Variants in SLC25A48 observed in about 807,000 individuals in gnomAD.
SLC25A48 encodes the protein CTC-321K16.1.
A neutral mutation model predicts 32.2 loss-of-function variants in SLC25A48; 29 were observed. That is an observed-to-expected ratio of 0.90 (90% CI 0.67 to 1.23). The LOEUF (loss-of-function observed/expected upper bound fraction) is 1.23. Ranked by LOEUF, SLC25A48 falls within the 50% of genes most tolerant of loss-of-function variation. SLC25A48 has a pLI of 0.00. For synonymous variants in SLC25A48, 164 were observed against 172.3 expected (o/e 0.95, Z 0.38); for missense variants, 399 against 422.7 (o/e 0.94, Z 0.49).
At chr5:135,820,887 A>G (rs148135950) in intron 4 of SLC25A48, among the ~76,000 whole-genome samples, 86 of 152,304 alleles carry the variant, frequency 5.6e-4, no homozygotes, top group African/African-American at 1.6e-3. Flanking sequence ...GAGTAGAGAG[A>G]TGTGGTAGCC....
At chr5:135,708,232 C>G (rs1209705997) in intron 3 of SLC25A48, among the ~76,000 whole-genome samples, 1 of 152,184 alleles carries the variant, frequency 6.6e-6, no homozygotes, top group African/African-American at 2.4e-5. Flanking sequence ...CCTATGTACC[C>G]ATCACTCAGC....
At chr5:135,789,823 A>G (rs1756978315) in intron 3 of SLC25A48, among the ~76,000 whole-genome samples, 1 of 152,024 alleles carries the variant, frequency 6.6e-6, no homozygotes, top group Admixed American at 6.6e-5. Flanking sequence ...TAATATCTAC[A>G]TTGGAATAAG....
chr5:135,693,654 C>T (rs186512831), intron 3 of SLC25A48, among the ~76,000 whole-genome samples: 37 of 152,320 alleles, frequency 2.4e-4, no homozygotes, highest in Admixed American at 1.9e-3. Context: ...TGACACCACC[C>T]GTGCCAAGCA....
intron 3 of SLC25A48, among the ~76,000 whole-genome samples, chr5:135,806,499 T>C (rs1256112052): frequency 6.6e-6 from 1 of 151,388 alleles, no homozygotes; most frequent in Non-Finnish European, 1.5e-5. Flanking sequence ...ATTTTATTAA[T>C]ATCATAGTGT....
chr5:135,594,806 A>G (rs968999247), intron 1 of SLC25A48, among the ~76,000 whole-genome samples: 2 of 152,176 alleles, frequency 1.3e-5, no homozygotes, highest in Non-Finnish European at 2.9e-5. Flanking sequence ...GATCCCTCCT[A>G]TGCATAGCAT....
intron 3 of SLC25A48, among the ~76,000 whole-genome samples, chr5:135,751,076 A>G (rs1276395505): frequency 6.6e-6 from 1 of 152,216 alleles, no homozygotes. Flanking sequence ...CCAGATCCAC[A>G]GCTGGCTGTA....
intron 7 of SLC25A48, among the ~76,000 whole-genome samples, chr5:135,886,639 AAT>A (rs201543233): frequency 0.27 from 20,502 of 76,600 alleles, 4,358 homozygotes; most frequent in African/African-American, 0.46. Context: ...ATATATATAA[AAT>A]ATATATATGT....
At chr5:135,690,789 C>G (rs1332844010) in intron 3 of SLC25A48, among the ~76,000 whole-genome samples, 1 of 152,194 alleles carries the variant, frequency 6.6e-6, no homozygotes, top group Non-Finnish European at 1.5e-5. Context: ...AACCAGATGT[C>G]CACACCTTAC....
At chr5:135,838,669 G>A (rs1405368129) in intron 1 of SLC25A48, among the ~76,000 whole-genome samples, 1 of 152,278 alleles carries the variant, frequency 6.6e-6, no homozygotes, top group Non-Finnish European at 1.5e-5. Context: ...AAGGGGCCAA[G>A]GTACAGCTTG....
intron 3 of SLC25A48, among the ~76,000 whole-genome samples, chr5:135,709,126 T>C (rs1191652688): frequency 6.6e-6 from 1 of 152,152 alleles, no homozygotes; most frequent in African/African-American, 2.4e-5. Flanking sequence ...CCCACAACTA[T>C]TCATGACAGT....
chr5:135,640,391 A>T (rs960420171), intron 3 of SLC25A48, among the ~76,000 whole-genome samples: 2 of 152,188 alleles, frequency 1.3e-5, no homozygotes, highest in Non-Finnish European at 2.9e-5. Flanking sequence ...ATTTTTTGGA[A>T]AACATCAACT....
At chr5:135,715,237 T>C (rs1754765721) in intron 3 of SLC25A48, among the ~76,000 whole-genome samples, 2 of 152,204 alleles carry the variant, frequency 1.3e-5, no homozygotes, top group African/African-American at 4.8e-5. Flanking sequence ...TTACAATGGG[T>C]TCCTTGTCTA....
At position 135,739,274 on chromosome 5, in the gene SLC25A48, T is replaced by G. The variant is rs114591595; in HGVS notation, c.-520-73249T>G. Among the ~76,000 whole-genome samples the G allele has an allele frequency of 5.1e-3, 774 of 152,220 alleles. 7 individuals are homozygous for G. The highest frequency in any genetic ancestry group is 0.018 in the African/African-American group (734 of 41,552). ...CTGGGACTACAAGTGCTCACCATCATGCCTGGCTAATTTTTTTATTTTTTG... is the reference window on the plus strand; with the variant it reads ...CTGGGACTACAAGTGCTCACCATCAGGCCTGGCTAATTTTTTTATTTTTTG... On this transcript the variant is annotated intron_variant, in intron 3 of 10. Coordinates refer to the SLC25A48 transcript ENST00000646290.
intron 1 of SLC25A48, among the ~76,000 whole-genome samples, chr5:135,605,293 T>C (rs1025083881): frequency 1.3e-5 from 2 of 152,232 alleles, no homozygotes; most frequent in African/African-American, 4.8e-5. Flanking sequence ...CATTATGAGA[T>C]TGGTTCTAAA....
At chr5:135,755,093 A>T (rs1218677413) in intron 3 of SLC25A48, among the ~76,000 whole-genome samples, 2 of 152,050 alleles carry the variant, frequency 1.3e-5, no homozygotes, top group African/African-American at 2.4e-5. Flanking sequence ...TCCAGTGTTT[A>T]TACACAGTGC....
At chr5:135,663,859 C>G (rs1035998659) in intron 3 of SLC25A48, among the ~76,000 whole-genome samples, 3 of 152,190 alleles carry the variant, frequency 2.0e-5, no homozygotes, top group Non-Finnish European at 4.4e-5. Context: ...AAGTTCCCCT[C>G]CCATGGAATC....
At chr5:135,620,978 C>T (rs1185459639) in intron 1 of SLC25A48, among the ~76,000 whole-genome samples, 5 of 152,202 alleles carry the variant, frequency 3.3e-5, no homozygotes, top group Non-Finnish European at 4.4e-5. Flanking sequence ...TACCTCCCTT[C>T]CTTCTCCTTC....
chr5:135,583,825 C>T (rs1751291194), intron 1 of SLC25A48, among the ~76,000 whole-genome samples: 1 of 152,190 alleles, frequency 6.6e-6, no homozygotes, highest in African/African-American at 2.4e-5. Flanking sequence ...CCCTCTCCAG[C>T]TCCTCCCTCT....
chr5:135,584,200 A>G (rs1233651578), intron 1 of SLC25A48, among the ~76,000 whole-genome samples: 1 of 152,220 alleles, frequency 6.6e-6, no homozygotes, highest in Admixed American at 6.5e-5. Flanking sequence ...AATATGACAA[A>G]CCAACAAGTA....
Sources: allele counts gnomAD v4.1 joint callset (sites outside exome capture counted in the v4.1 genomes callset), GRCh38; gene constraint gnomAD v4.1.1; transcripts MANE v1.5; gene names NCBI Gene and HGNC (gene_info 2026-07-23, HGNC 2026-07-21).